Variants in PLPP3 observed in about 807,000 individuals in gnomAD.
PLPP3 encodes the protein PAP2 beta.
PLPP3 carries 6 observed loss-of-function variants against 29.6 expected under a neutral mutation model. The observed-to-expected ratio is 0.20, with a 90% CI of 0.11 to 0.40. PLPP3 has a LOEUF of 0.40. Among genes scored for constraint, PLPP3 ranks in the 10% least tolerant of loss-of-function variants. The probability of loss-of-function intolerance (pLI) is 1.00; values close to 1 mark genes in which losing one functional copy is unlikely to be tolerated. For synonymous variants in PLPP3, 152 were observed against 159.7 expected, an observed-to-expected ratio of 0.95 and a Z score of 0.36; for missense variants, 308 against 407.7, an observed-to-expected ratio of 0.76 and a Z score of 2.11.
chr1:56,529,114 A>T (rs1038484287), intron 2 of PLPP3, among the ~76,000 whole-genome samples: 1 of 151,954 alleles, frequency 6.6e-6, no homozygotes, highest in South Asian at 2.1e-4. Flanking sequence ...TTTCACATCC[A>T]CTATACTGTT....
rs1645843192 is a variant in PLPP3, at chr1:56,524,838, T to G, written c.298-284A>C. On this transcript the variant is annotated intron_variant, in intron 2 of 5. Transcript: ENST00000371250. The surrounding 1 kb of genome is among the most constrained non-coding windows in gnomAD (Gnocchi z 4.3). ...TGTGTGTGTGTGTGTGTGTGTATCT[T>G]TTTTTTTAAGGGAGAGACAAGAACT... Among the ~76,000 whole-genome samples, 1 of 151,438 alleles carries G rather than the reference T, an allele frequency of 6.6e-6. No homozygotes were observed. The highest frequency in any genetic ancestry group is 1.5e-5 in the Non-Finnish European group (1 of 67,812).
intron 5 of PLPP3, among the ~76,000 whole-genome samples, chr1:56,501,490 C>T (rs1346297869): frequency 6.6e-6 from 1 of 152,116 alleles, no homozygotes; most frequent in Non-Finnish European, 1.5e-5. Flanking sequence ...ACTCCATAAA[C>T]TTTAAGCAGT....
chr1:56,524,457 C>G lies in PLPP3; in HGVS notation c.395G>C (p.Cys132Ser), dbSNP rs928116304. ...YVAALYKQVG[C>S]FLFGCAISQS... is the part of the protein sequence containing the mutation. ...GCTGATGGCACAGCCAAAGAGGAAG[C>G]AGCCCACTTGCTTATAGAGTGCTGC... Residue 132 changes from cysteine (C) to serine (S), a missense_variant, in exon 3 of 6, where the codon TGC becomes TCC. Cys to Ser is a moderately radical substitution (Grantham distance 112). This residue lies in a region of PLPP3 where 232 missense variants were observed against 317.2 expected (regional missense o/e 0.73). Coordinates refer to ENST00000371250, the MANE Select transcript of PLPP3 (RefSeq NM_003713.5). The surrounding 1 kb of genome is among the most constrained non-coding windows in gnomAD (Gnocchi z 4.3). The G allele has an allele frequency of 1.9e-6, 3 of 1,613,988 alleles. No homozygotes were observed. The highest frequency in any genetic ancestry group is 2.5e-6 in the Non-Finnish European group (3 of 1,179,978).
At chr1:56,546,959 T>G (rs1395582644) in intron 1 of PLPP3, among the ~76,000 whole-genome samples, 2 of 152,224 alleles carry the variant, frequency 1.3e-5, no homozygotes, top group Non-Finnish European at 2.9e-5. Context: ...AGAAGCCCAC[T>G]AATTCTAAAG....
intron 1 of PLPP3, among the ~76,000 whole-genome samples, chr1:56,561,772 C>T (rs965701832): frequency 1.3e-4 from 20 of 152,138 alleles, no homozygotes; most frequent in Admixed American, 7.2e-4. Flanking sequence ...CGGTGGCTCA[C>T]GCCTGTAATC....
rs1645623540 is a variant in PLPP3, at chr1:56,495,228, T to C, written c.*1323A>G. On this transcript the variant is annotated 3_prime_UTR_variant, in exon 6 of 6. Transcript: ENST00000371250. ...AGGATGTGCATGTGGTTGATCCATA[T>C]GGTTACATTTAACCCTTTGAAAGGT... 1 of 152,630 alleles carries C rather than the reference T, an allele frequency of 6.6e-6. No individual in the cohort carries two copies. The highest frequency in any genetic ancestry group is 6.5e-5 in the Admixed American group (1 of 15,278). 9.5% of individuals were successfully genotyped at this position (152,630 alleles called of 1,614,324 possible). A position where few individuals can be genotyped will look rare whatever the true frequency, so the allele number is the denominator to read the frequency against.
chr1:56,530,472 A>G (rs1645880365), intron 2 of PLPP3, among the ~76,000 whole-genome samples: 2 of 151,750 alleles, frequency 1.3e-5, no homozygotes, highest in Admixed American at 1.3e-4. Flanking sequence ...ACCCATTCCC[A>G]CTCCTGTCCC....
intron 2 of PLPP3, among the ~76,000 whole-genome samples, chr1:56,525,217 A>G (rs2100250966): frequency 6.6e-6 from 1 of 152,350 alleles, no homozygotes; most frequent in East Asian, 1.9e-4. Flanking sequence ...ATGGGAAATG[A>G]CCTGGATCAC....
chr1:56,555,867 A>G (rs1253055192), intron 1 of PLPP3, among the ~76,000 whole-genome samples: 1 of 152,188 alleles, frequency 6.6e-6, no homozygotes, highest in Non-Finnish European at 1.5e-5. Context: ...TTTAAATAAC[A>G]TGATGATGCT....
At chr1:56,518,372 C>T (rs1645796226) in intron 4 of PLPP3, among the ~76,000 whole-genome samples, 1 of 152,070 alleles carries the variant, frequency 6.6e-6, no homozygotes, top group Non-Finnish European at 1.5e-5. Context: ...TTCCTTGGCA[C>T]CCAACAAACC....
intron 2 of PLPP3, among the ~76,000 whole-genome samples, chr1:56,526,780 C>T (rs1228627080): frequency 1.3e-5 from 2 of 152,166 alleles, no homozygotes; most frequent in Admixed American, 1.3e-4. Context: ...GTCCACCATC[C>T]ACCACTAGCC....
At chr1:56,525,510 G>A (rs1219669140) in intron 2 of PLPP3, among the ~76,000 whole-genome samples, 12 of 151,988 alleles carry the variant, frequency 7.9e-5, no homozygotes, top group East Asian at 1.9e-4. Flanking sequence ...TTTATGTCAC[G>A]AAATCCTGAT....
intron 1 of PLPP3, among the ~76,000 whole-genome samples, chr1:56,549,632 C>T (rs1431440139): frequency 6.6e-6 from 1 of 152,178 alleles, no homozygotes; most frequent in Non-Finnish European, 1.5e-5. Context: ...GATAGAGGGG[C>T]TTCACTACCT....
intron 1 of PLPP3, among the ~76,000 whole-genome samples, chr1:56,553,450 T>C (rs1327853807): frequency 6.6e-6 from 1 of 152,190 alleles, no homozygotes; most frequent in Non-Finnish European, 1.5e-5. Flanking sequence ...CCTTCTGCAC[T>C]TGGAGACACA....
rs749937717 is a variant in PLPP3 at position 56,524,293 on chromosome 1, T to C, written c.559A>G (p.Lys187Glu). Residue 187 changes from lysine to glutamate, a missense_variant, in exon 3 of 6, where the codon AAA becomes GAA. Lys to Glu is a moderately conservative substitution (Grantham distance 56). Around this residue, in one of 3 missense-constraint regions of PLPP3, gnomAD observed 232 missense variants for 317.2 expected, o/e 0.73. Transcript: ENST00000371250. This position sits in a 1 kb window ranked among gnomAD's most constrained non-coding sequence, Gnocchi z 4.3. ...QNYRCRGDDS[K>E]VQEARKSFFS... is the part of the protein sequence containing the mutation. ...GTGTCTCACCTGGCTTCCTGGACTTTGCTGTCATCACCTCTGCATCTGTAG... is the reference window on the plus strand; with the variant it reads ...GTGTCTCACCTGGCTTCCTGGACTTCGCTGTCATCACCTCTGCATCTGTAG... 1 of 1,613,720 alleles carries C rather than the reference T, an allele frequency of 6.2e-7. No homozygotes were observed. Among genetic ancestry groups the C allele is most frequent in the South Asian group, 1.1e-5 (1 of 91,066 alleles).
At chr1:56,527,838 G>A (rs1645861773) in intron 2 of PLPP3, among the ~76,000 whole-genome samples, 2 of 152,140 alleles carry the variant, frequency 1.3e-5, no homozygotes, top group Admixed American at 1.3e-4. Flanking sequence ...CTACAGACGA[G>A]GCGAAGGCTT....
chr1:56,519,333 T>A (rs1645803516), intron 4 of PLPP3, among the ~76,000 whole-genome samples: 1 of 152,134 alleles, frequency 6.6e-6, no homozygotes, highest in Non-Finnish European at 1.5e-5. Context: ...GGGTCATAAT[T>A]CTGAGAGTCC....
At chr1:56,551,270 C>CT (rs1557511313) in intron 1 of PLPP3, among the ~76,000 whole-genome samples, 1 of 81,796 alleles carries the variant, frequency 1.2e-5, no homozygotes, top group African/African-American at 4.2e-5. Flanking sequence ...AAATGGCTTT[C>CT]TGGGTTTGGG....
chr1:56,556,757 T>C (rs1478563823), intron 1 of PLPP3, among the ~76,000 whole-genome samples: 1 of 151,086 alleles, frequency 6.6e-6, no homozygotes, highest in African/African-American at 2.4e-5. Context: ...GAAGTATTTA[T>C]CAAGAAGGAC....
Sources: allele counts gnomAD v4.1 joint callset (sites outside exome capture counted in the v4.1 genomes callset), GRCh38; gene constraint gnomAD v4.1.1; regional missense constraint gnomAD v4.1.1; non-coding constraint Gnocchi (gnomAD v3.1); transcripts MANE v1.5; gene names NCBI Gene and HGNC (gene_info 2026-07-23, HGNC 2026-07-21).